Variants in LRP1B observed in about 807,000 individuals in gnomAD.
The protein encoded by LRP1B is low-density lipoprotein receptor-related protein 1B.
Under a neutral mutation model 556.6 loss-of-function variants are expected in LRP1B, and 217 were observed. The observed-to-expected ratio is 0.39, with a 90% CI of 0.35 to 0.44. The LOEUF (loss-of-function observed/expected upper bound fraction) is 0.44, where lower values mean the gene tolerates loss of function less well. LRP1B is among the 20% of genes least tolerant of loss of function. The pLI is 1.00. For missense variants in LRP1B, 5,053 were observed against 5,620.8 expected (o/e 0.90, Z 3.23); for synonymous variants, 2,047 against 1,865.8 (o/e 1.10, Z -2.50).
At chr2:140,799,445 A>G (rs1690427989) in intron 32 of LRP1B, among the ~76,000 whole-genome samples, 1 of 152,190 alleles carries the variant, frequency 6.6e-6, no homozygotes, top group Admixed American at 6.5e-5. Context: ...TCCAGCCTCC[A>G]GAGCTCGAAA....
chr2:141,706,096 A>G (rs1044680768), intron 2 of LRP1B, among the ~76,000 whole-genome samples: 3 of 152,056 alleles, frequency 2.0e-5, no homozygotes, highest in African/African-American at 7.2e-5. Context: ...TCGCATGAAT[A>G]AAGCCCAAAA....
In LRP1B at chr2:140,903,165, T is replaced by C; in HGVS notation, c.3521A>G (p.Asp1174Gly). The C allele has an allele frequency of 1.2e-6, 2 of 1,612,670 alleles. No homozygotes were observed. Among genetic ancestry groups the C allele is most frequent in the Non-Finnish European group, 1.7e-6 (2 of 1,179,368 alleles). Reference sequence around the variant, plus strand: ...GCCTCCATTGTTCAGCGAACACTCATCTATAAAAAGGGGGGAACAGATTAT... The same window carrying C: ...GCCTCCATTGTTCAGCGAACACTCACCTATAAAAAGGGGGGAACAGATTAT... ...PDGSDEGYLCDECSLNNGGCS... is the reference protein window; with the variant it reads ...PDGSDEGYLCGECSLNNGGCS... Residue 1174 changes from aspartate to glycine, a missense_variant and splice_region_variant, in exon 23 of 91, where the codon GAT becomes GGT. Coordinates refer to ENST00000389484, the MANE Select transcript of LRP1B (RefSeq NM_018557.3).
intron 66 of LRP1B, among the ~76,000 whole-genome samples, chr2:140,416,456 G>T (rs1482067376): frequency 6.6e-6 from 1 of 152,116 alleles, no homozygotes; most frequent in Non-Finnish European, 1.5e-5. Flanking sequence ...AGGAATTTGA[G>T]ACCAGCCTAG....
intron 83 of LRP1B, among the ~76,000 whole-genome samples, chr2:140,302,997 A>G (rs1219223339): frequency 1.5e-5 from 2 of 133,948 alleles, no homozygotes; most frequent in Non-Finnish European, 1.6e-5. Context: ...ACCAATTCCA[A>G]TTATAAATCT....
In LRP1B at chr2:142,115,561, TG is replaced by T. The variant is rs1559079711; in HGVS notation, c.82+15086del. ...ACATATGTAATATATATATTATATA[TG>T]TAATATATATTATATATGTAATATA... On this transcript the variant is annotated intron_variant, in intron 1 of 90. Transcript: ENST00000389484. Among the ~76,000 whole-genome samples, 20 of 55,340 alleles carry T rather than the reference TG, an allele frequency of 3.6e-4. 1 individual carries two copies. Among genetic ancestry groups the T allele is most frequent in the Non-Finnish European group, 5.6e-4 (17 of 30,120 alleles). 36.3% of individuals were successfully genotyped at this position (55,340 alleles called of 152,430 possible).
chr2:141,059,312 A>G (rs1364924389), intron 8 of LRP1B, among the ~76,000 whole-genome samples: 2 of 151,760 alleles, frequency 1.3e-5, no homozygotes, highest in African/African-American at 2.4e-5. Flanking sequence ...AAGAGAGCAT[A>G]TTTAGTAGTT....
chr2:142,076,749 G>C (rs2104922230), intron 1 of LRP1B, among the ~76,000 whole-genome samples: 1 of 152,142 alleles, frequency 6.6e-6, no homozygotes, highest in Non-Finnish European at 1.5e-5. Context: ...AGGAGTCTTT[G>C]GAGGTCTCTG....
chr2:141,153,051 AACC>A (rs1701964058), intron 7 of LRP1B, among the ~76,000 whole-genome samples: 1 of 149,992 alleles, frequency 6.7e-6, no homozygotes, highest in African/African-American at 2.4e-5. Flanking sequence ...ATTCTTTAAG[AACC>A]ACCTTAAATA....
intron 20 of LRP1B, among the ~76,000 whole-genome samples, chr2:140,927,304 C>T (rs905067229): frequency 2.0e-5 from 3 of 152,116 alleles, no homozygotes; most frequent in African/African-American, 7.2e-5. Context: ...GACTCTGTCT[C>T]ACACAAATAA....
In LRP1B at chr2:141,456,686, A is replaced by T. The variant is rs1227728860; in HGVS notation, c.343+23710T>A. ...ACTTAGTTCAAAGAAATCTTCCTAG[A>T]GTTAAAATGCCTGGGCTGAGCTTCA... On this transcript the variant is annotated intron_variant, in intron 3 of 90. Transcript: ENST00000389484. Among the ~76,000 whole-genome samples the T allele has an allele frequency of 3.3e-5, 5 of 152,238 alleles. No individual in the cohort carries two copies. The East Asian group carries it at 9.6e-4, about 29-fold the overall frequency.
At chr2:140,559,413 A>G (rs920429867) in intron 43 of LRP1B, among the ~76,000 whole-genome samples, 1 of 152,192 alleles carries the variant, frequency 6.6e-6, no homozygotes, top group African/African-American at 2.4e-5. Context: ...AGAAATGACC[A>G]GAGTAAGTAC....
intron 3 of LRP1B, among the ~76,000 whole-genome samples, chr2:141,359,068 C>A (rs893738865): frequency 2.0e-5 from 3 of 151,576 alleles, no homozygotes; most frequent in African/African-American, 2.4e-5. Context: ...TGATTACAAT[C>A]ATAAAATAAG....
chr2:140,388,143 G>A (rs13030604), intron 66 of LRP1B, among the ~76,000 whole-genome samples: 3 of 151,904 alleles, frequency 2.0e-5, no homozygotes, highest in African/African-American at 7.3e-5. Context: ...CGCCATGTAG[G>A]CCAGGCTGGT....
intron 2 of LRP1B, among the ~76,000 whole-genome samples, chr2:141,732,660 G>A (rs1482278797): frequency 6.6e-6 from 1 of 152,068 alleles, no homozygotes; most frequent in Non-Finnish European, 1.5e-5. Context: ...AAATGATCGT[G>A]AGTAGCTTGG....
At chr2:141,016,045 T>C in intron 12 of LRP1B, 130 bp from the exon 13 acceptor site, 1 of 695,154 alleles carries the variant, frequency 1.4e-6, no homozygotes, top group Admixed American at 2.3e-5. Flanking sequence ...TCTAAGTGCT[T>C]ATCTGTCAAA....
intron 1 of LRP1B, among the ~76,000 whole-genome samples, chr2:142,068,302 C>A (rs1169389798): frequency 6.6e-6 from 1 of 151,422 alleles, no homozygotes; most frequent in African/African-American, 2.4e-5. Context: ...TATATTTTGT[C>A]TAATTGTGAA....
chr2:140,813,728 T>C lies in LRP1B; in HGVS notation c.5288A>G (p.Asp1763Gly), dbSNP rs892575945. The change falls in exon 32 of 91, where the codon GAT becomes GGT. Residue 1763 changes from aspartate (D) to glycine (G), a missense_variant. Asp to Gly is a moderately conservative substitution (Grantham distance 94, BLOSUM62 -1). Around this residue, in one of 5 missense-constraint regions of LRP1B, gnomAD observed 3,619 missense variants for 3,931.9 expected, o/e 0.92. Coordinates refer to ENST00000389484, the MANE Select transcript of LRP1B (RefSeq NM_018557.3). ...GNGTINRCNL[D>G]GGNLEVIESM... Reference sequence around the variant, plus strand: ...CTCGATTACTTCTAAATTACCACCATCCAGGTTGCATCTATTTATGGTTCC... The same window carrying C: ...CTCGATTACTTCTAAATTACCACCACCCAGGTTGCATCTATTTATGGTTCC... The C allele has an allele frequency of 9.9e-6, 16 of 1,611,286 alleles. No homozygotes were observed. Among genetic ancestry groups the C allele is most frequent in the Non-Finnish European group, 1.4e-5 (16 of 1,177,650 alleles).
chr2:141,168,406 G>C (rs375668783), intron 7 of LRP1B, among the ~76,000 whole-genome samples: 12 of 152,108 alleles, frequency 7.9e-5, no homozygotes, highest in Middle Eastern at 3.4e-3. Context: ...AGTGCACTGT[G>C]CAAGACAGTA....
Position 140,782,195 on chromosome 2 carries a change from T to C in LRP1B, c.5360-5957A>G, listed in dbSNP as rs976979946. On this transcript the variant is annotated intron_variant, in intron 32 of 90. Transcript: ENST00000389484. Reference sequence around the variant, plus strand: ...TAGGGGTTAAGCTGTGTATAAGCAATGAGGAGTAAATCTACTTCATGGTTA... The same window carrying C: ...TAGGGGTTAAGCTGTGTATAAGCAACGAGGAGTAAATCTACTTCATGGTTA... Among the ~76,000 whole-genome samples the C allele has an allele frequency of 2.0e-5, 3 of 152,182 alleles. No homozygotes were observed. The South Asian group carries it at 6.2e-4, about 31-fold the overall frequency.
Sources: allele counts gnomAD v4.1 joint callset (sites outside exome capture counted in the v4.1 genomes callset), GRCh38; gene constraint gnomAD v4.1.1; regional missense constraint gnomAD v4.1.1; transcripts MANE v1.5; gene names NCBI Gene and HGNC (gene_info 2026-07-23, HGNC 2026-07-21).